The following PDE4D variants were observed in gnomAD, a reference collection of about 807,000 sequenced individuals.
The protein encoded by PDE4D is phosphodiesterase 4D, also known as 3',5'-cyclic-AMP phosphodiesterase 4D.
In PDE4D, 24 loss-of-function variants were observed where a neutral mutation model predicts 87.4. The ratio of observed to expected loss-of-function variants is 0.27; its 90% CI spans 0.20 to 0.39. PDE4D has a LOEUF of 0.39. Among genes scored for constraint, PDE4D ranks in the 10% least tolerant of loss-of-function variants. The pLI is 1.00. For missense variants in PDE4D, 714 were observed against 1,041.0 expected (o/e 0.69, Z 4.32); for synonymous variants, 384 against 383.2 (o/e 1.00, Z -0.02).
At chr5:59,929,763 C>T (rs913897942) in intron 3 of PDE4D, among the ~76,000 whole-genome samples, 13 of 152,114 alleles carry the variant, frequency 8.5e-5, no homozygotes, top group African/African-American at 2.4e-4. Flanking sequence ...AGACCTGACT[C>T]TAGGCTTAGT....
chr5:59,323,032 G>A (rs1440146349), intron 1 of PDE4D, among the ~76,000 whole-genome samples: 3 of 152,048 alleles, frequency 2.0e-5, no homozygotes, highest in African/African-American at 7.2e-5. Context: ...TTTTTCTCTT[G>A]GAATCTCAAC....
intron 2 of PDE4D, among the ~76,000 whole-genome samples, chr5:60,022,007 C>T (rs536969846): frequency 3.4e-4 from 52 of 152,284 alleles, no homozygotes; most frequent in African/African-American, 1.1e-3. Context: ...GCCATCACAC[C>T]TGGCTGAATA....
chr5:59,489,997 T>C (rs1017228545), intron 1 of PDE4D, among the ~76,000 whole-genome samples: 2 of 152,198 alleles, frequency 1.3e-5, no homozygotes, highest in African/African-American at 4.8e-5. Context: ...AATTATAATA[T>C]CAGCACTGCC....
At chr5:59,881,607 T>C (rs1219297583) in intron 1 of PDE4D, among the ~76,000 whole-genome samples, 1 of 152,212 alleles carries the variant, frequency 6.6e-6, no homozygotes, top group African/African-American at 2.4e-5. Flanking sequence ...CTTTTAACAG[T>C]ATATTCCTAA....
chr5:59,072,934 A>G (rs976692556), intron 5 of PDE4D, among the ~76,000 whole-genome samples: 1 of 152,202 alleles, frequency 6.6e-6, no homozygotes, highest in African/African-American at 2.4e-5. Flanking sequence ...GGTTCCTGTC[A>G]TTTAGAATGT....
At chr5:60,394,587 C>G (rs1409625924) in intron 1 of PDE4D, among the ~76,000 whole-genome samples, 1 of 152,126 alleles carries the variant, frequency 6.6e-6, no homozygotes, top group Non-Finnish European at 1.5e-5. Context: ...AAGAGCTAAA[C>G]AGAACTCTAA....
At chr5:59,841,599 A>C (rs1743000184) in intron 1 of PDE4D, among the ~76,000 whole-genome samples, 1 of 152,080 alleles carries the variant, frequency 6.6e-6, no homozygotes, top group African/African-American at 2.4e-5. Flanking sequence ...CAATACAAAA[A>C]TCTATCATGC....
At chr5:59,356,169 T>A (rs1482700570) in intron 1 of PDE4D, among the ~76,000 whole-genome samples, 2 of 152,234 alleles carry the variant, frequency 1.3e-5, no homozygotes, top group Non-Finnish European at 2.9e-5. Context: ...TTTCCAGTTA[T>A]TTGGTTAAAA....
At chr5:60,479,186 A>G (rs1025304784) in intron 1 of PDE4D, among the ~76,000 whole-genome samples, 4 of 152,216 alleles carry the variant, frequency 2.6e-5, no homozygotes, top group African/African-American at 9.6e-5. Context: ...AGAAAAGGAC[A>G]ACAGACATAT....
intron 2 of PDE4D, among the ~76,000 whole-genome samples, chr5:60,101,795 T>A (rs1219296032): frequency 6.6e-6 from 1 of 152,164 alleles, no homozygotes; most frequent in Non-Finnish European, 1.5e-5. Flanking sequence ...GACTAGAAGA[T>A]GAGGTTGTGA....
intron 1 of PDE4D, among the ~76,000 whole-genome samples, chr5:60,298,200 A>G (rs1753587185): frequency 6.6e-6 from 1 of 152,204 alleles, no homozygotes; most frequent in African/African-American, 2.4e-5. Flanking sequence ...TATCAGGTAC[A>G]GAAAATTTAT....
At chr5:59,523,960 G>A (rs889314201) in intron 1 of PDE4D, among the ~76,000 whole-genome samples, 2 of 152,164 alleles carry the variant, frequency 1.3e-5, no homozygotes, top group Non-Finnish European at 2.9e-5. Context: ...TAAGTTTCCT[G>A]AAGCCTCCCC....
intron 1 of PDE4D, among the ~76,000 whole-genome samples, chr5:60,213,415 A>G (rs912237623): frequency 2.0e-5 from 3 of 152,154 alleles, no homozygotes; most frequent in African/African-American, 7.2e-5. Context: ...CAGGATTTCC[A>G]TCATACTATA....
At chr5:60,006,043 T>C (rs1391669735) in intron 2 of PDE4D, among the ~76,000 whole-genome samples, 5 of 151,968 alleles carry the variant, frequency 3.3e-5, no homozygotes, top group African/African-American at 9.7e-5. Context: ...AGCATCTTAA[T>C]GTTATTGAGG....
At chr5:60,119,879 G>C (rs1428023267) in intron 2 of PDE4D, among the ~76,000 whole-genome samples, 1 of 152,212 alleles carries the variant, frequency 6.6e-6, no homozygotes, top group Non-Finnish European at 1.5e-5. Flanking sequence ...CATTCAAGAA[G>C]AGATTTGGGT....
intron 1 of PDE4D, among the ~76,000 whole-genome samples, chr5:59,852,526 T>G (rs1446494081): frequency 6.6e-6 from 1 of 152,048 alleles, no homozygotes; most frequent in Non-Finnish European, 1.5e-5. Flanking sequence ...GGGAGCCATC[T>G]TGGAAGTGAA....
chr5:60,261,394 T>C (rs527528178), intron 1 of PDE4D, among the ~76,000 whole-genome samples: 2 of 152,248 alleles, frequency 1.3e-5, no homozygotes, highest in Admixed American at 6.5e-5. Flanking sequence ...TCCCCCTACA[T>C]CTCTTTTTGT....
chr5:59,471,512 G>C (rs1802440476), intron 1 of PDE4D, among the ~76,000 whole-genome samples: 1 of 152,244 alleles, frequency 6.6e-6, no homozygotes, highest in African/African-American at 2.4e-5. Context: ...ATGGGGTAAA[G>C]ATAAACTATT....
intron 6 of PDE4D, among the ~76,000 whole-genome samples, chr5:59,027,183 T>A (rs1310952962): frequency 6.6e-6 from 1 of 152,160 alleles, no homozygotes; most frequent in Non-Finnish European, 1.5e-5. Flanking sequence ...TCAACTGAGA[T>A]CTGTCTGGTA....
Sources: allele counts gnomAD v4.1 joint callset (sites outside exome capture counted in the v4.1 genomes callset), GRCh38; gene constraint gnomAD v4.1.1; transcripts MANE v1.5; gene names NCBI Gene and HGNC (gene_info 2026-07-23, HGNC 2026-07-21).